RARRES1: variants seen among roughly 807,000 people sequenced by gnomAD.
RARRES1 encodes the protein retinoic acid receptor responder 1.
A neutral mutation model predicts 30.6 loss-of-function variants in RARRES1; 34 were observed. That is an observed-to-expected ratio of 1.11 (90% CI 0.84 to 1.48). RARRES1 has a LOEUF of 1.48. RARRES1 is among the 40% of genes most tolerant of loss of function. The pLI is 0.00. For synonymous variants in RARRES1, 153 were observed against 155.5 expected (o/e 0.98, Z 0.12); for missense variants, 373 against 386.5 (o/e 0.97, Z 0.29).
intron 1 of RARRES1, among the ~76,000 whole-genome samples, chr3:158,729,006 C>T (rs1727785486): frequency 6.6e-6 from 1 of 152,056 alleles, no homozygotes; most frequent in Admixed American, 6.5e-5. Context: ...ATGAATTAGG[C>T]CACACTTCTA....
chr3:158,699,229 CT>C (rs1379150888), intron 4 of RARRES1, among the ~76,000 whole-genome samples: 2 of 152,088 alleles, frequency 1.3e-5, no homozygotes, highest in African/African-American at 4.8e-5. Flanking sequence ...TGTAAAAGCC[CT>C]TGTTTTTTGT....
At chr3:158,720,272 G>GTA (rs1268269467) in intron 1 of RARRES1, among the ~76,000 whole-genome samples, 4 of 150,434 alleles carry the variant, frequency 2.7e-5, no homozygotes, top group Admixed American at 6.6e-5. Flanking sequence ...GTGTATGTGT[G>GTA]TGAGAGAGAG....
At chr3:158,714,006 G>T (rs1160151320) in intron 1 of RARRES1, 147 bp from the exon 2 acceptor site, 6 of 747,318 alleles carry the variant, frequency 8.0e-6, no homozygotes, top group African/African-American at 3.5e-5. Flanking sequence ...TTAGAAGAAA[G>T]ATCTCAAATT....
intron 4 of RARRES1, among the ~76,000 whole-genome samples, chr3:158,702,993 A>T (rs1281114639): frequency 6.6e-6 from 1 of 152,206 alleles, no homozygotes; most frequent in Non-Finnish European, 1.5e-5. Flanking sequence ...TAAATCCTGT[A>T]CTCAGAAGAT....
At chr3:158,710,636 G>A in intron 3 of RARRES1, 102 bp downstream of exon 3, 1 of 1,125,816 alleles carries the variant, frequency 8.9e-7, no homozygotes, top group Non-Finnish European at 1.3e-6. Flanking sequence ...TTAGTTGAAT[G>A]AAAGTGCCAC....
intron 1 of RARRES1, among the ~76,000 whole-genome samples, chr3:158,717,118 T>C (rs996629206): frequency 6.6e-6 from 1 of 152,186 alleles, no homozygotes; most frequent in Non-Finnish European, 1.5e-5. Flanking sequence ...CTGGATGCAG[T>C]GTCTGCACTT....
intron 1 of RARRES1, among the ~76,000 whole-genome samples, chr3:158,725,245 A>G (rs773697352): frequency 5.3e-5 from 8 of 152,178 alleles, no homozygotes; most frequent in Non-Finnish European, 7.3e-5. Flanking sequence ...TCTCTGTGAA[A>G]CATTCTTCAA....
At chr3:158,708,269 G>A (rs941712087) in intron 3 of RARRES1, among the ~76,000 whole-genome samples, 1 of 152,108 alleles carries the variant, frequency 6.6e-6, no homozygotes, top group Non-Finnish European at 1.5e-5. Context: ...ATCATCACGT[G>A]TTCTATCTTA....
chr3:158,710,113 C>A (rs1180831130), intron 3 of RARRES1, among the ~76,000 whole-genome samples: 1 of 152,190 alleles, frequency 6.6e-6, no homozygotes, highest in Non-Finnish European at 1.5e-5. Context: ...GAAAACAGCA[C>A]CCCTATATGC....
chr3:158,720,909 T>G (rs1051812070), intron 1 of RARRES1, among the ~76,000 whole-genome samples: 3 of 152,218 alleles, frequency 2.0e-5, no homozygotes, highest in Non-Finnish European at 2.9e-5. Flanking sequence ...TGTTTACACT[T>G]AAGGTCACAT....
chr3:158,732,083 C>T (rs938074722), intron 1 of RARRES1, 57 bp downstream of exon 1: 1 of 1,292,944 alleles, frequency 7.7e-7, no homozygotes, highest in South Asian at 2.3e-5. Flanking sequence ...GGTGTCACCT[C>T]CCAGCGCCGT....
In RARRES1 at chr3:158,732,157, G is replaced by C. The variant is rs1190038224; in HGVS notation, c.259C>G (p.Gln87Glu). 1.4e-6 allele frequency: 2 copies of C among 1,402,376 alleles called. No homozygotes were observed. Among genetic ancestry groups the C allele is most frequent in the East Asian group, 3.0e-5 (1 of 32,852 alleles). The allele number at this position is 1,402,376 out of a possible 1,614,324, so 86.9% of individuals were successfully genotyped here. Residue 87 changes from glutamine to glutamate, a missense_variant, in exon 1 of 6, where the codon CAG (glutamine) becomes GAG (glutamate). Transcript: ENST00000237696. ...GCACTCACCCACGCGCGGCCCTCCT[G>C]CACCTCGGCCAGCACTCGTAGCGCG... ...PSALRVLAEVQEGRAWINPKE... is the reference protein window; with the variant it reads ...PSALRVLAEVEEGRAWINPKE...
chr3:158,704,445 T>C (rs1726845105), intron 4 of RARRES1, among the ~76,000 whole-genome samples: 1 of 152,098 alleles, frequency 6.6e-6, no homozygotes, highest in South Asian at 2.1e-4. Context: ...CTACCCAGGC[T>C]GGTCTCAAAC....
intron 1 of RARRES1, among the ~76,000 whole-genome samples, chr3:158,728,059 T>C (rs1360032503): frequency 6.6e-6 from 1 of 152,234 alleles, no homozygotes; most frequent in African/African-American, 2.4e-5. Flanking sequence ...CTAAAGGCTT[T>C]CAAAACTTTT....
chr3:158,699,434 A>ACCCCCCC (rs139216148), intron 4 of RARRES1, among the ~76,000 whole-genome samples: 4 of 137,764 alleles, frequency 2.9e-5, no homozygotes, highest in African/African-American at 1.1e-4. Flanking sequence ...CAAAAAAGCA[A>ACCCCCCC]CCCCCCCCCC....
chr3:158,718,166 G>A (rs2108146120), intron 1 of RARRES1, among the ~76,000 whole-genome samples: 2 of 152,134 alleles, frequency 1.3e-5, no homozygotes, highest in South Asian at 4.2e-4. Context: ...TTTTAGTAGA[G>A]ATGGAGTTTC....
chr3:158,720,609 T>G (rs930038086), intron 1 of RARRES1, among the ~76,000 whole-genome samples: 8 of 152,170 alleles, frequency 5.3e-5, no homozygotes, highest in African/African-American at 1.9e-4. Flanking sequence ...AGTTTACAAC[T>G]GAATCACTCC....
intron 1 of RARRES1, among the ~76,000 whole-genome samples, chr3:158,717,496 C>T (rs919744597): frequency 4.6e-5 from 7 of 152,160 alleles, no homozygotes; most frequent in Non-Finnish European, 8.8e-5. Flanking sequence ...CTGGCAAGGG[C>T]CTGAGGAGCA....
At chr3:158,702,320 G>A (rs1458618830) in intron 4 of RARRES1, among the ~76,000 whole-genome samples, 1 of 152,190 alleles carries the variant, frequency 6.6e-6, no homozygotes, top group Non-Finnish European at 1.5e-5. Flanking sequence ...TTACAGGCAT[G>A]AGCCACTGCA....
Sources: gnomAD v4.1 joint callset for allele counts (sites outside exome capture counted in the v4.1 genomes callset) on GRCh38, gnomAD v4.1.1 for gene constraint, MANE v1.5 for transcripts, NCBI Gene and HGNC (gene_info 2026-07-23, HGNC 2026-07-21) for gene names.